Variants in SMARCB1 observed in about 807,000 individuals in gnomAD.
The protein encoded by SMARCB1 is SWI/SNF-related matrix-associated actin-dependent regulator of chromatin subfamily B member 1.
In SMARCB1, 5 loss-of-function variants were observed where a neutral mutation model predicts 49.0. The observed-to-expected ratio is 0.10, with a 90% confidence interval of 0.05 to 0.21. The LOEUF (loss-of-function observed/expected upper bound fraction) is 0.21. SMARCB1 is among the 10% of genes least tolerant of loss of function. SMARCB1 has a pLI of 1.00. For synonymous variants in SMARCB1, 201 were observed against 200.1 expected, an observed-to-expected ratio of 1.00 and a Z score of -0.04; for missense variants, 226 against 509.2, an observed-to-expected ratio of 0.44 and a Z score of 5.35.
chr22:23,834,726 C>A lies in SMARCB1; in HGVS notation c.*546C>A. 6.9e-7 allele frequency: 1 copy of A among 1,445,916 alleles called. No homozygotes were observed. The allele number at this position is 1,445,916 out of a possible 1,614,324, so 89.6% of individuals were successfully genotyped here. On this transcript the variant is annotated 3_prime_UTR_variant, in exon 9 of 9. Coordinates refer to ENST00000644036, the MANE Select transcript of SMARCB1 (RefSeq NM_003073.5). ...CTCTCAGCTCCCCTCAGCCTGTTCT[C>A]CTTCCAGACCCAGAGAGCTGAGAAG...
chr22:23,807,102 AAAAG>A lies in SMARCB1; in HGVS notation c.628+3682_628+3685del, dbSNP rs148136537. On this transcript the variant is annotated intron_variant, in intron 5 of 8. Coordinates refer to ENST00000644036, the MANE Select transcript of SMARCB1 (RefSeq NM_003073.5). ...GGAGGGAAGTATTAAAATCCTCCAGAAAAGATGAGTTGCCTAACCAGAACACATG... is the reference window on the plus strand; with the variant it reads ...GGAGGGAAGTATTAAAATCCTCCAGAATGAGTTGCCTAACCAGAACACATG... Among the ~76,000 whole-genome samples the A allele has an allele frequency of 3.2e-3, 485 of 152,208 alleles. 1 individual carries two copies. The highest frequency in any genetic ancestry group is 0.011 in the African/African-American group (460 of 41,524).
intron 5 of SMARCB1, among the ~76,000 whole-genome samples, chr22:23,805,785 G>A (rs1929457697): frequency 2.0e-5 from 3 of 152,316 alleles, no homozygotes; most frequent in South Asian, 2.1e-4. Context: ...GATTACAGGC[G>A]TGAGCCACCG....
intron 5 of SMARCB1, chr22:23,803,744 C>T (rs769885859): frequency 7.1e-6 from 3 of 420,252 alleles, no homozygotes; most frequent in Non-Finnish European, 1.4e-5. Flanking sequence ...CCGAGCCCTG[C>T]ACACACCTGC....
rs1217259718 is a variant in SMARCB1 at position 23,787,878 on chromosome 22, C to A, written c.93+616C>A. ...GCAGTTCTGAAGCGATTGACACTTTCCATATCTGTGAACTGATTCTGAATT... is the reference window on the plus strand; with the variant it reads ...GCAGTTCTGAAGCGATTGACACTTTACATATCTGTGAACTGATTCTGAATT... On this transcript the variant is annotated intron_variant, in intron 1 of 8. Coordinates refer to ENST00000644036, the MANE Select transcript of SMARCB1 (RefSeq NM_003073.5). Among the ~76,000 whole-genome samples the A allele has an allele frequency of 2.6e-5, 4 of 152,184 alleles. No homozygotes were observed. The East Asian group carries it at 7.7e-4, about 29-fold the overall frequency.
chr22:23,795,993 A>G (rs1928725972), intron 3 of SMARCB1, among the ~76,000 whole-genome samples: 1 of 151,842 alleles, frequency 6.6e-6, no homozygotes, highest in Non-Finnish European at 1.5e-5. Context: ...GGGTTTCACC[A>G]TTGTGCCCAG....
chr22:23,800,889 TG>T, intron 3 of SMARCB1, 54 bp from the exon 4 acceptor site: 1 of 1,310,726 alleles, frequency 7.6e-7, no homozygotes, highest in Non-Finnish European at 1.1e-6. Flanking sequence ...TGATTCCTGG[TG>T]GGCAGGATCA....
Position 23,787,202 on chromosome 22 carries a change from G to A in SMARCB1, c.33G>A (p.Gly11=). Residue 11 remains glycine, a synonymous_variant, in exon 1 of 9, where the codon GGG becomes GGA. Transcript: ENST00000644036. MMMMALSKTF[G]QKPVKFQLED... ...TGATGGCGCTGAGCAAGACCTTCGG[G>A]CAGAAGCCCGTGAAGTTCCAGCTGG... 6.2e-7 allele frequency: 1 copy of A among 1,609,034 alleles called. No homozygotes were observed. The highest frequency in any genetic ancestry group is 8.5e-7 in the Non-Finnish European group (1 of 1,177,426).
Position 23,825,350 on chromosome 22 carries a change from T to C in SMARCB1, c.921T>C (p.Phe307=). 1 of 1,614,120 alleles carries C rather than the reference T, an allele frequency of 6.2e-7. No homozygotes were observed. Among genetic ancestry groups the C allele is most frequent in the Non-Finnish European group, 8.5e-7 (1 of 1,179,964 alleles). ...LCSELGLGGE[F]VTTIAYSIRG... ...CGGAGCTGGGGTTGGGCGGGGAGTT[T>C]GTCACCACCATCGCATACAGCATCC... Residue 307 remains phenylalanine, a synonymous_variant, in exon 7 of 9, where the codon TTT becomes TTC. Transcript: ENST00000644036.
chr22:23,834,098 G>A (rs777999464), intron 8 of SMARCB1, 43 bp from the exon 9 acceptor site: 10 of 1,557,606 alleles, frequency 6.4e-6, no homozygotes, highest in East Asian at 2.4e-5. Context: ...CGCCCAGGCT[G>A]GGAGCTGGCC....
rs764793346 is a variant in SMARCB1 at position 23,833,650 on chromosome 22, T to C, written c.1065T>C (p.Thr355=). 2 of 1,614,162 alleles carry C rather than the reference T, an allele frequency of 1.2e-6. No individual in the cohort carries two copies. Among genetic ancestry groups the C allele is most frequent in the African/African-American group, 1.3e-5 (1 of 75,044 alleles). The change falls in exon 8 of 9, where the codon ACT becomes ACC. Residue 355 remains threonine (T), a synonymous_variant. Transcript: ENST00000644036. ...DADQWCPLLE[T]LTDAEMEKKI... ...ACCAGTGGTGCCCACTGCTGGAGAC[T>C]CTGACAGACGCTGAGATGGAGAAGA...
At chr22:23,810,921 T>G (rs1929830365) in intron 5 of SMARCB1, among the ~76,000 whole-genome samples, 1 of 151,578 alleles carries the variant, frequency 6.6e-6, no homozygotes, top group Non-Finnish European at 1.5e-5. Flanking sequence ...TCCCAGCTAC[T>G]CGGGAACGGG....
At chr22:23,815,885 A>AT (rs1370635088) in intron 5 of SMARCB1, 1 of 152,212 alleles carries the variant, frequency 6.6e-6, no homozygotes, top group Non-Finnish European at 1.5e-5. Context: ...TTACTTAAAA[A>AT]TTTTAAAATG....
chr22:23,809,790 C>G (rs1430425507), intron 5 of SMARCB1, among the ~76,000 whole-genome samples: 1 of 152,036 alleles, frequency 6.6e-6, no homozygotes, highest in African/African-American at 2.4e-5. Context: ...AAGAAAAGAA[C>G]TATTAATCTA....
At chr22:23,808,472 GGT>G (rs1929655393) in intron 5 of SMARCB1, among the ~76,000 whole-genome samples, 1 of 151,950 alleles carries the variant, frequency 6.6e-6, no homozygotes, top group African/African-American at 2.4e-5. Flanking sequence ...TAGCCAGGAT[GGT>G]CTCGATCTCC....
At chr22:23,806,199 G>A (rs1386691591) in intron 5 of SMARCB1, among the ~76,000 whole-genome samples, 1 of 152,188 alleles carries the variant, frequency 6.6e-6, no homozygotes, top group Non-Finnish European at 1.5e-5. Context: ...TGGCTCTGAA[G>A]AAGTAGAATC....
intron 3 of SMARCB1, 120 bp from the exon 4 acceptor site, chr22:23,800,824 C>T (rs1040908614): frequency 8.5e-5 from 72 of 848,512 alleles, no homozygotes; most frequent in Non-Finnish European, 1.4e-4. Flanking sequence ...ACAGACAACT[C>T]CCATGGGAGC....
chr22:23,789,107 C>A (rs530110142), intron 1 of SMARCB1, among the ~76,000 whole-genome samples: 1 of 152,334 alleles, frequency 6.6e-6, no homozygotes, highest in East Asian at 1.9e-4. Context: ...GCCTCGGCCT[C>A]CCAAAGTGCT....
At chr22:23,833,196 C>G (rs1420496045) in intron 7 of SMARCB1, among the ~76,000 whole-genome samples, 1 of 152,160 alleles carries the variant, frequency 6.6e-6, no homozygotes, top group Admixed American at 6.5e-5. Context: ...AGCAGACAGT[C>G]CTCCTGCCCC....
intron 6 of SMARCB1, among the ~76,000 whole-genome samples, chr22:23,821,138 C>T (rs939328382): frequency 6.6e-6 from 1 of 152,242 alleles, no homozygotes; most frequent in African/African-American, 2.4e-5. Flanking sequence ...TCTGACTTAC[C>T]TGTGATTCCC....
Sources: allele counts gnomAD v4.1 joint callset (sites outside exome capture counted in the v4.1 genomes callset), GRCh38; gene constraint gnomAD v4.1.1; transcripts MANE v1.5; gene names NCBI Gene and HGNC (gene_info 2026-07-23, HGNC 2026-07-21).